Variants in NDFIP2 observed in about 807,000 individuals in gnomAD.
The protein encoded by NDFIP2 is NEDD4 family-interacting protein 2.
In NDFIP2, 19 loss-of-function variants were observed where a neutral mutation model predicts 36.0. The observed-to-expected ratio is 0.53, with a 90% CI of 0.37 to 0.77. The LOEUF (loss-of-function observed/expected upper bound fraction) is 0.77, where lower values mean the gene tolerates loss of function less well. NDFIP2 is among the 30% of genes least tolerant of loss of function. NDFIP2 has a pLI of 0.00. For synonymous variants in NDFIP2, 181 were observed against 167.7 expected, an observed-to-expected ratio of 1.08 and a Z score of -0.61; for missense variants, 446 against 435.8, an observed-to-expected ratio of 1.02 and a Z score of -0.21.
chr13:79,545,746 T>C (rs1336166347), intron 5 of NDFIP2, among the ~76,000 whole-genome samples: 29 of 152,162 alleles, frequency 1.9e-4, no homozygotes, highest in Admixed American at 1.9e-3. Flanking sequence ...CACAGTTGTT[T>C]TTTTTGTGGA....
At chr13:79,516,229 C>G (rs936165468) in intron 1 of NDFIP2, among the ~76,000 whole-genome samples, 1 of 151,884 alleles carries the variant, frequency 6.6e-6, no homozygotes, top group African/African-American at 2.4e-5. Flanking sequence ...ATGGGTAGCT[C>G]CAATAGTAAA....
chr13:79,533,416 C>T lies in NDFIP2; in HGVS notation c.581C>T (p.Ala194Val), dbSNP rs1472327182. 1 of 1,611,072 alleles carries T rather than the reference C, an allele frequency of 6.2e-7. No individual in the cohort carries two copies. The highest frequency in any genetic ancestry group is 1.1e-5 in the South Asian group (1 of 90,536). ...TACGATGAAGCTGAGAAGGCTAAAG[C>T]TGCTGCAATGGCAGCTGCAGCAGCA... ...PTYDEAEKAK[A>V]AAMAAAAAET... is the part of the protein sequence containing the mutation. The change falls in exon 3 of 8, where the codon GCT (alanine) becomes GTT (valine). Residue 194 changes from alanine (A) to valine (V), a missense_variant. Coordinates refer to ENST00000218652, the MANE Select transcript of NDFIP2 (RefSeq NM_019080.3).
intron 2 of NDFIP2, among the ~76,000 whole-genome samples, chr13:79,522,511 AT>A (rs1376198401): frequency 6.6e-6 from 1 of 152,204 alleles, no homozygotes; most frequent in East Asian, 1.9e-4. Flanking sequence ...TAAAATATCA[AT>A]CATTTATTAC....
chr13:79,491,927 G>A (rs1314252892), intron 1 of NDFIP2, among the ~76,000 whole-genome samples: 1 of 152,200 alleles, frequency 6.6e-6, no homozygotes, highest in Non-Finnish European at 1.5e-5. Flanking sequence ...AAATGCTGCA[G>A]TAGTCTAAGA....
At chr13:79,533,243 G>T (rs1373335596) in intron 2 of NDFIP2, 80 bp from the exon 3 acceptor site, 4 of 1,371,978 alleles carry the variant, frequency 2.9e-6, no homozygotes, top group African/African-American at 2.9e-5. Context: ...TTGGTGGCCA[G>T]TTGTAAATTA....
At chr13:79,496,797 A>C (rs1441018912) in intron 1 of NDFIP2, among the ~76,000 whole-genome samples, 2 of 151,516 alleles carry the variant, frequency 1.3e-5, no homozygotes, top group Non-Finnish European at 3.0e-5. Context: ...CTTTCCTCTT[A>C]ATTGTGCCAT....
chr13:79,542,032 A>G (rs1013286284), intron 4 of NDFIP2, among the ~76,000 whole-genome samples: 5 of 152,216 alleles, frequency 3.3e-5, no homozygotes, highest in African/African-American at 9.6e-5. Context: ...CCTAATGTGC[A>G]TATCTCTGAT....
At chr13:79,528,047 G>A (rs1423413633) in intron 2 of NDFIP2, among the ~76,000 whole-genome samples, 1 of 152,118 alleles carries the variant, frequency 6.6e-6, no homozygotes, top group East Asian at 1.9e-4. Context: ...GAGGATCACA[G>A]CCTAGGAGTT....
chr13:79,521,117 A>G, intron 2 of NDFIP2, 142 bp downstream of exon 2: 1 of 675,482 alleles, frequency 1.5e-6, no homozygotes, highest in Non-Finnish European at 2.4e-6. Context: ...CTGTGTGCAC[A>G]TATAAATATA....
chr13:79,551,665 C>T (rs1875914112), intron 7 of NDFIP2, among the ~76,000 whole-genome samples: 1 of 151,292 alleles, frequency 6.6e-6, no homozygotes, highest in Non-Finnish European at 1.5e-5. Context: ...GATTTTTTAT[C>T]AACTATGAAG....
At chr13:79,492,804 A>G (rs1365791136) in intron 1 of NDFIP2, among the ~76,000 whole-genome samples, 3 of 152,164 alleles carry the variant, frequency 2.0e-5, no homozygotes, top group Non-Finnish European at 2.9e-5. Context: ...GTTTTAAACT[A>G]TAATGCTTTT....
chr13:79,545,999 A>T (rs978859181), intron 5 of NDFIP2, among the ~76,000 whole-genome samples: 2 of 152,194 alleles, frequency 1.3e-5, no homozygotes, highest in Non-Finnish European at 2.9e-5. Context: ...AAGTGCTAGG[A>T]TTACAGGCGT....
At chr13:79,507,833 T>C (rs947608299) in intron 1 of NDFIP2, among the ~76,000 whole-genome samples, 3 of 151,948 alleles carry the variant, frequency 2.0e-5, no homozygotes, top group African/African-American at 7.2e-5. Flanking sequence ...TCTTGAACTT[T>C]TTTTTTTTTA....
In NDFIP2 at chr13:79,552,547, C is replaced by G. The variant is rs193206553; in HGVS notation, c.*34C>G. 1.1e-4 allele frequency: 17 copies of G among 151,876 alleles called. No individual in the cohort carries two copies. Among genetic ancestry groups the G allele is most frequent in the Admixed American group, 9.2e-4 (14 of 15,176 alleles). The allele number at this position is 151,876 out of a possible 1,614,324, so 9.4% of individuals were successfully genotyped here. On this transcript the variant is annotated 3_prime_UTR_variant, in exon 8 of 8. Transcript: ENST00000218652. ...TCAACCCGACATTCCTTTCTTATACCAATGTGAAATTTCCAGATCATCTGT... is the reference window on the plus strand; with the variant it reads ...TCAACCCGACATTCCTTTCTTATACGAATGTGAAATTTCCAGATCATCTGT...
chr13:79,510,019 C>G (rs1281094908), intron 1 of NDFIP2, among the ~76,000 whole-genome samples: 1 of 152,212 alleles, frequency 6.6e-6, no homozygotes, highest in Non-Finnish European at 1.5e-5. Context: ...AACACCGTCA[C>G]ACCCAGAATC....
intron 1 of NDFIP2, among the ~76,000 whole-genome samples, chr13:79,515,979 C>T (rs17071545): frequency 0.076 from 11,345 of 149,526 alleles, 585 homozygotes; most frequent in South Asian, 0.18. Context: ...TTAGAAGGAG[C>T]CTTTGTCATC....
intron 3 of NDFIP2, among the ~76,000 whole-genome samples, chr13:79,534,302 A>G (rs1253058777): frequency 1.3e-5 from 2 of 151,990 alleles, no homozygotes; most frequent in Non-Finnish European, 1.5e-5. Flanking sequence ...AAGGTAGCCA[A>G]AAAACACAGA....
intron 1 of NDFIP2, among the ~76,000 whole-genome samples, chr13:79,500,653 G>A (rs1873629980): frequency 6.6e-6 from 1 of 151,918 alleles, no homozygotes; most frequent in Non-Finnish European, 1.5e-5. Flanking sequence ...AATTCAGAAC[G>A]CTGACAACAA....
At chr13:79,540,080 G>A (rs1308673263) in intron 4 of NDFIP2, among the ~76,000 whole-genome samples, 2 of 152,146 alleles carry the variant, frequency 1.3e-5, no homozygotes, top group African/African-American at 2.4e-5. Context: ...CTATATTGGT[G>A]CCCATTCAGC....
Sources: allele counts gnomAD v4.1 joint callset (sites outside exome capture counted in the v4.1 genomes callset), GRCh38; gene constraint gnomAD v4.1.1; transcripts MANE v1.5; gene names NCBI Gene and HGNC (gene_info 2026-07-23, HGNC 2026-07-21).